The following COLEC12 variants were observed in gnomAD, a reference collection of about 807,000 sequenced individuals.
COLEC12 encodes collectin-12.
A neutral mutation model predicts 71.1 loss-of-function variants in COLEC12; 33 were observed. The ratio of observed to expected loss-of-function variants is 0.46; its 90% CI spans 0.35 to 0.62. The LOEUF is 0.62. COLEC12 is among the 20% of genes least tolerant of loss of function. The pLI is 0.00. For missense variants in COLEC12, 765 were observed against 916.1 expected (o/e 0.84, Z 2.13); for synonymous variants, 350 against 353.0 (o/e 0.99, Z 0.10).
rs116002890 is a variant in COLEC12, at chr18:354,202, C to T, written c.181+3198G>A. On this transcript the variant is annotated intron_variant, in intron 3 of 9. Transcript: ENST00000400256. Reference sequence around the variant, plus strand: ...CTCTGTTGACTAATGATAAAAAGCCCGGGGCAGAGGATGTACCAAGCTCAA... The same window carrying T: ...CTCTGTTGACTAATGATAAAAAGCCTGGGGCAGAGGATGTACCAAGCTCAA... 8.3e-3 allele frequency among the ~76,000 whole-genome samples: 1,266 copies of T among 152,238 alleles called. 25 individuals carry two copies. The highest frequency in any genetic ancestry group is 0.029 in the African/African-American group (1,194 of 41,538).
intron 2 of COLEC12, among the ~76,000 whole-genome samples, chr18:358,887 T>C (rs1914684115): frequency 6.6e-6 from 1 of 152,192 alleles, no homozygotes; most frequent in African/African-American, 2.4e-5. Context: ...ACAATAAAAA[T>C]ACAGTTTTAT....
chr18:484,804 A>G (rs1408322932), intron 1 of COLEC12, among the ~76,000 whole-genome samples: 1 of 152,228 alleles, frequency 6.6e-6, no homozygotes, highest in African/African-American at 2.4e-5. Context: ...AGCTTGGTGC[A>G]CAGTTTACTC....
intron 2 of COLEC12, among the ~76,000 whole-genome samples, chr18:460,952 A>T (rs994853663): frequency 1.1e-4 from 16 of 152,186 alleles, no homozygotes; most frequent in African/African-American, 3.9e-4. Flanking sequence ...TTGTGTGATG[A>T]GCTAACTTTG....
intron 2 of COLEC12, among the ~76,000 whole-genome samples, chr18:479,812 AC>A (rs139512708): frequency 0.021 from 3,263 of 152,310 alleles, 132 homozygotes; most frequent in East Asian, 0.2. Context: ...GTAAAAGGTT[AC>A]CACGAACGTG....
At chr18:384,497 C>G (rs1000940545) in intron 2 of COLEC12, among the ~76,000 whole-genome samples, 6 of 152,100 alleles carry the variant, frequency 3.9e-5, no homozygotes, top group Non-Finnish European at 8.8e-5. Flanking sequence ...TTTTGTTTTC[C>G]CTGCATTGCT....
At chr18:341,997 T>G (rs1252064831) in intron 5 of COLEC12, among the ~76,000 whole-genome samples, 1 of 152,224 alleles carries the variant, frequency 6.6e-6, no homozygotes, top group African/African-American at 2.4e-5. Context: ...TGAGAAGTCT[T>G]CTGTGTACAT....
intron 2 of COLEC12, among the ~76,000 whole-genome samples, chr18:384,250 C>T (rs1030935489): frequency 3.3e-5 from 5 of 152,084 alleles, no homozygotes; most frequent in Non-Finnish European, 5.9e-5. Context: ...TCCAGCGGAT[C>T]GCAGTGTGCA....
chr18:371,668 AG>A (rs963690695), intron 2 of COLEC12, among the ~76,000 whole-genome samples: 31 of 152,312 alleles, frequency 2.0e-4, no homozygotes, highest in African/African-American at 6.3e-4. Context: ...CTGCGGCAAC[AG>A]GGAAATGAAA....
intron 2 of COLEC12, among the ~76,000 whole-genome samples, chr18:410,917 G>C (rs918242164): frequency 6.6e-6 from 1 of 152,194 alleles, no homozygotes; most frequent in Non-Finnish European, 1.5e-5. Context: ...ACCCATGCCA[G>C]CAAAGCCTGG....
chr18:397,270 A>T (rs1477674629), intron 2 of COLEC12, among the ~76,000 whole-genome samples: 1 of 152,144 alleles, frequency 6.6e-6, no homozygotes, highest in African/African-American at 2.4e-5. Context: ...TTAGTCAATG[A>T]CATTCCCTAA....
chr18:470,002 T>C (rs952212559), intron 2 of COLEC12, among the ~76,000 whole-genome samples: 3 of 152,194 alleles, frequency 2.0e-5, no homozygotes, highest in Non-Finnish European at 4.4e-5. Flanking sequence ...GTTCATGGCA[T>C]ATGGAAGGCA....
At chr18:426,126 T>C (rs543150338) in intron 2 of COLEC12, among the ~76,000 whole-genome samples, 2 of 152,358 alleles carry the variant, frequency 1.3e-5, no homozygotes, top group East Asian at 3.9e-4. Context: ...TCCTCTCTTT[T>C]AGACTACCAC....
intron 1 of COLEC12, among the ~76,000 whole-genome samples, chr18:489,943 G>A (rs561041030): frequency 6.6e-6 from 1 of 152,346 alleles, no homozygotes; most frequent in African/African-American, 2.4e-5. Context: ...CGGGGGCCAT[G>A]GCAGATCATC....
Position 471,338 on chromosome 18 carries a change from CT to C in COLEC12, c.58+9368del, listed in dbSNP as rs916308812. Among the ~76,000 whole-genome samples the C allele has an allele frequency of 9.8e-4, 143 of 145,308 alleles. 1 individual carries two copies. Among genetic ancestry groups the C allele is most frequent in the African/African-American group, 1.5e-3 (60 of 40,008 alleles). On this transcript the variant is annotated intron_variant, in intron 2 of 9. Coordinates refer to ENST00000400256, the MANE Select transcript of COLEC12 (RefSeq NM_130386.3). ...GATTTGGAACTTTCTCATTTTTTTT[CT>C]TTTTTTTTTTAGTTCCTCTTCCAAA...
chr18:331,089 A>G (rs937803281), intron 8 of COLEC12, among the ~76,000 whole-genome samples: 2 of 152,020 alleles, frequency 1.3e-5, no homozygotes, highest in African/African-American at 4.8e-5. Flanking sequence ...AGGTTTCACC[A>G]TGTTGGCCAG....
chr18:371,027 C>G (rs948905918), intron 2 of COLEC12, among the ~76,000 whole-genome samples: 2 of 152,234 alleles, frequency 1.3e-5, no homozygotes, highest in African/African-American at 4.8e-5. Context: ...ACAGCCCTCA[C>G]TACTATGCAA....
chr18:500,686 G>T lies in COLEC12; in HGVS notation c.-172C>A. On this transcript the variant is annotated 5_prime_UTR_variant, in exon 1 of 10. Coordinates refer to ENST00000400256, the MANE Select transcript of COLEC12 (RefSeq NM_130386.3). The surrounding 1 kb of genome is among the most constrained non-coding windows in gnomAD (Gnocchi z 5.3). ...GCCGGCCCGCGCTCCCCGCGCTCCC[G>T]GCTCCGCGCTCTGCTGCCTCGGGGC... 1 of 273,522 alleles carries T rather than the reference G, an allele frequency of 3.7e-6. No individual in the cohort carries two copies. The highest frequency in any genetic ancestry group is 5.7e-6 in the Non-Finnish European group (1 of 176,154). The allele number at this position is 273,522 out of a possible 1,614,324, so 16.9% of individuals were successfully genotyped here. A position where few individuals can be genotyped will look rare whatever the true frequency, so the allele number is the denominator to read the frequency against.
chr18:461,848 C>T (rs1567915134), intron 2 of COLEC12, among the ~76,000 whole-genome samples: 1 of 152,124 alleles, frequency 6.6e-6, no homozygotes, highest in Non-Finnish European at 1.5e-5. Flanking sequence ...CTGCCCTGTA[C>T]TCATATAACA....
intron 2 of COLEC12, among the ~76,000 whole-genome samples, chr18:377,392 A>T (rs1915137178): frequency 6.6e-6 from 1 of 152,218 alleles, no homozygotes; most frequent in African/African-American, 2.4e-5. Context: ...AGGAATTAGG[A>T]CTGGAACCCC....
Sources: gnomAD v4.1 joint callset for allele counts (sites outside exome capture counted in the v4.1 genomes callset) on GRCh38, gnomAD v4.1.1 for gene constraint, Gnocchi (gnomAD v3.1) non-coding constraint, MANE v1.5 for transcripts, NCBI Gene and HGNC (gene_info 2026-07-23, HGNC 2026-07-21) for gene names.